Variants in GRIA1 observed in about 807,000 individuals in gnomAD.
The protein encoded by GRIA1 is glutamate ionotropic receptor AMPA type subunit 1.
In GRIA1, 31 loss-of-function variants were observed where a neutral mutation model predicts 99.2. The ratio of observed to expected loss-of-function variants is 0.31; its 90% CI spans 0.23 to 0.42. GRIA1 has a LOEUF of 0.42. Among genes scored for constraint, GRIA1 ranks in the 10% least tolerant of loss-of-function variants. The probability of loss-of-function intolerance (pLI) is 1.00; values close to 1 mark genes in which losing one functional copy is unlikely to be tolerated. For missense variants in GRIA1, 782 were observed against 1,157.5 expected (o/e 0.68, Z 4.71); for synonymous variants, 438 against 432.4 (o/e 1.01, Z -0.16).
At chr5:153,653,663 G>T (rs1017455475) in intron 4 of GRIA1, among the ~76,000 whole-genome samples, 1 of 152,056 alleles carries the variant, frequency 6.6e-6, no homozygotes, top group Non-Finnish European at 1.5e-5. Context: ...CTGAAATCTT[G>T]TTCATTTATC....
At chr5:153,699,527 C>T (rs1758360095) in intron 10 of GRIA1, among the ~76,000 whole-genome samples, 2 of 152,170 alleles carry the variant, frequency 1.3e-5, no homozygotes, top group South Asian at 4.1e-4. Context: ...ACTCTGTTCC[C>T]TAGAGTGCTC....
At chr5:153,563,629 A>G (rs1437674248) in intron 2 of GRIA1, among the ~76,000 whole-genome samples, 1 of 152,192 alleles carries the variant, frequency 6.6e-6, no homozygotes, top group African/African-American at 2.4e-5. Context: ...TCCATCAAAT[A>G]TGTGTAATAT....
At chr5:153,779,354 C>G (rs1185738538) in intron 13 of GRIA1, among the ~76,000 whole-genome samples, 2 of 152,170 alleles carry the variant, frequency 1.3e-5, no homozygotes, top group African/African-American at 4.8e-5. Flanking sequence ...AATCAAGACT[C>G]GCATCACTGC....
chr5:153,517,974 T>C (rs542145575), intron 2 of GRIA1, among the ~76,000 whole-genome samples: 6 of 152,338 alleles, frequency 3.9e-5, no homozygotes. Context: ...TAACTGGATT[T>C]CAGCCTTCCA....
chr5:153,708,326 C>T (rs190461676), intron 11 of GRIA1, among the ~76,000 whole-genome samples: 6 of 152,256 alleles, frequency 3.9e-5, no homozygotes, highest in Admixed American at 3.3e-4. Context: ...CAGCTGGCCC[C>T]AGAGGGTGTT....
intron 12 of GRIA1, among the ~76,000 whole-genome samples, chr5:153,767,619 C>A (rs1164910627): frequency 2.0e-5 from 3 of 152,128 alleles, no homozygotes; most frequent in Non-Finnish European, 4.4e-5. Flanking sequence ...TTACCTACCA[C>A]CCCCACAAGG....
chr5:153,557,622 T>TTA (rs1246370011), intron 2 of GRIA1, among the ~76,000 whole-genome samples: 1 of 152,270 alleles, frequency 6.6e-6, no homozygotes, highest in Non-Finnish European at 1.5e-5. Context: ...TTTTGTTACT[T>TTA]TTTAAACTTT....
rs769612173 is a variant in GRIA1, at chr5:153,647,067, G to A, written c.360G>A (p.Gln120=). The A allele has an allele frequency of 5.6e-6, 9 of 1,613,834 alleles. No individual in the cohort carries two copies. In the Admixed American group the frequency reaches 1.3e-4, roughly 24 times the overall value. The change falls in exon 3 of 16, where the codon CAG becomes CAA. Residue 120 remains glutamine (Q), a synonymous_variant. Transcript: ENST00000285900. The part of the protein sequence containing the change: ...TPSFPVDTSN[Q]FVLQLRPELQ... ...GCTTTCCCGTTGATACATCCAATCA[G>A]TTTGTCCTTCAGCTGCGCCCTGAAC...
chr5:153,779,464 G>T (rs905046683), intron 13 of GRIA1, among the ~76,000 whole-genome samples: 4 of 152,188 alleles, frequency 2.6e-5, no homozygotes, highest in African/African-American at 9.7e-5. Context: ...GAAGCACTAG[G>T]CTAGGCTGCA....
At chr5:153,778,079 T>C (rs531319447) in intron 13 of GRIA1, among the ~76,000 whole-genome samples, 1 of 150,168 alleles carries the variant, frequency 6.7e-6, no homozygotes, top group South Asian at 2.1e-4. Context: ...AAGGAGGAAA[T>C]GGGGGGATAA....
chr5:153,504,765 G>A (rs186917139), intron 2 of GRIA1, among the ~76,000 whole-genome samples: 5 of 152,294 alleles, frequency 3.3e-5, no homozygotes, highest in African/African-American at 9.6e-5. Flanking sequence ...GCGACTGGGA[G>A]GTGGTCTCTC....
chr5:153,678,340 TGA>T (rs1756738604), intron 7 of GRIA1, among the ~76,000 whole-genome samples: 1 of 152,210 alleles, frequency 6.6e-6, no homozygotes, highest in Non-Finnish European at 1.5e-5. Flanking sequence ...TCCTCAGCCC[TGA>T]TGAGTGCCTT....
intron 2 of GRIA1, among the ~76,000 whole-genome samples, chr5:153,522,735 C>A (rs1408912140): frequency 6.6e-6 from 1 of 152,174 alleles, no homozygotes; most frequent in Non-Finnish European, 1.5e-5. Flanking sequence ...TTTCCACACA[C>A]AGTTCATTGG....
At chr5:153,768,840 T>C (rs1763696570) in intron 12 of GRIA1, among the ~76,000 whole-genome samples, 1 of 152,240 alleles carries the variant, frequency 6.6e-6, no homozygotes, top group African/African-American at 2.4e-5. Flanking sequence ...AGTAGTCCGT[T>C]ACATGTATTT....
Position 153,812,630 on chromosome 5 carries a change from C to T in GRIA1, c.*1405C>T, listed in dbSNP as rs1581698367. 4 of 152,210 alleles carry T rather than the reference C, an allele frequency of 2.6e-5. No individual in the cohort carries two copies. The allele number at this position is 152,210 out of a possible 1,614,324, so 9.4% of individuals were successfully genotyped here. ...GCTGACCTTCCCCCAGCTAAGATAGCATGAGGACGTTGTATTCCAATATAC... is the reference window on the plus strand; with the variant it reads ...GCTGACCTTCCCCCAGCTAAGATAGTATGAGGACGTTGTATTCCAATATAC... On this transcript the variant is annotated 3_prime_UTR_variant, in exon 16 of 16. Coordinates refer to ENST00000285900, the MANE Select transcript of GRIA1 (RefSeq NM_000827.4).
At chr5:153,648,646 C>A (rs545890883) in intron 3 of GRIA1, among the ~76,000 whole-genome samples, 23 of 152,276 alleles carry the variant, frequency 1.5e-4, no homozygotes, top group Admixed American at 1.5e-3. Context: ...ACTCACCAAA[C>A]AACTTGCACT....
chr5:153,703,970 C>T (rs1164450659), intron 10 of GRIA1, among the ~76,000 whole-genome samples: 1 of 152,224 alleles, frequency 6.6e-6, no homozygotes, highest in Admixed American at 6.5e-5. Flanking sequence ...ACCTTCTCCC[C>T]TGTACTGTCT....
At chr5:153,645,085 G>T (rs567413496) in intron 2 of GRIA1, among the ~76,000 whole-genome samples, 1 of 152,216 alleles carries the variant, frequency 6.6e-6, no homozygotes, top group African/African-American at 2.4e-5. Context: ...GATCTCTCTG[G>T]CTTCTGGGTA....
intron 2 of GRIA1, among the ~76,000 whole-genome samples, chr5:153,517,365 G>A (rs1280287391): frequency 6.6e-6 from 1 of 152,136 alleles, no homozygotes; most frequent in Non-Finnish European, 1.5e-5. Flanking sequence ...GCTTCTTCCT[G>A]TTTTGTGGGG....
Sources: allele counts gnomAD v4.1 joint callset (sites outside exome capture counted in the v4.1 genomes callset), GRCh38; gene constraint gnomAD v4.1.1; transcripts MANE v1.5; gene names NCBI Gene and HGNC (gene_info 2026-07-23, HGNC 2026-07-21).